The following KRABD3 variants were observed in gnomAD, a reference collection of about 807,000 sequenced individuals.
KRABD3 encodes the protein KRAB domain containing 3.
the KRABD3 span, among the ~76,000 whole-genome samples, chr7:149,727,263 C>G: frequency 6.6e-6 from 1 of 152,220 alleles, no homozygotes; most frequent in Non-Finnish European, 1.5e-5. Flanking sequence ...TCACAGCAGC[C>G]ACAGCTCTGG....
chr7:149,724,116 G>A, the KRABD3 span, among the ~76,000 whole-genome samples: 3 of 152,224 alleles, frequency 2.0e-5, no homozygotes, highest in African/African-American at 7.2e-5. Context: ...GGAGGAGCTG[G>A]ACATTCTGAA....
At chr7:149,722,388 G>T in the KRABD3 span, 14 of 1,580,752 alleles carry the variant, frequency 8.9e-6, no homozygotes, top group African/African-American at 1.6e-4. Flanking sequence ...TGGAGCTGGG[G>T]CTAGAAAGGC....
the KRABD3 span, among the ~76,000 whole-genome samples, chr7:149,731,445 T>G: frequency 0.049 from 7,430 of 152,146 alleles, 589 homozygotes; most frequent in African/African-American, 0.16. Flanking sequence ...CCCAGCCGCC[T>G]CCTCCTGCCG....
the KRABD3 span, chr7:149,730,576 T>TG: frequency 1.2e-6 from 2 of 1,609,502 alleles, no homozygotes; most frequent in African/African-American, 2.7e-5. Context: ...CAGGTGAGCC[T>TG]GGGGTCTCCT....
chr7:149,729,304 T>C, the KRABD3 span: 1 of 1,600,808 alleles, frequency 6.2e-7, no homozygotes, highest in Admixed American at 1.7e-5. Context: ...CGTCCCCGCC[T>C]GCCACCAGCG....
chr7:149,721,188 G>A, the KRABD3 span, among the ~76,000 whole-genome samples: 2 of 152,172 alleles, frequency 1.3e-5, no homozygotes, highest in African/African-American at 2.4e-5. Context: ...TCTGACTTTC[G>A]CATGGTGGTT....
chr7:149,720,944 C>T, the KRABD3 span: 406 of 1,613,694 alleles, frequency 2.5e-4, no homozygotes, highest in Middle Eastern at 1.3e-3. Flanking sequence ...GCCCCGAGAG[C>T]GAGAGCCGGG....
the KRABD3 span, among the ~76,000 whole-genome samples, chr7:149,717,545 A>G: frequency 6.6e-6 from 1 of 152,256 alleles, no homozygotes; most frequent in Non-Finnish European, 1.5e-5. Context: ...GGGAGTGACC[A>G]TACCTGGGCC....
At chr7:149,718,651 T>A in the KRABD3 span, among the ~76,000 whole-genome samples, 2 of 151,522 alleles carry the variant, frequency 1.3e-5, no homozygotes. Flanking sequence ...CCTGAGTAGC[T>A]GAGATTACAG....
At chr7:149,730,569 G>T in the KRABD3 span, 4 of 1,611,072 alleles carry the variant, frequency 2.5e-6, no homozygotes, top group Non-Finnish European at 3.4e-6. Context: ...CTCGGTGCAG[G>T]TGAGCCTGGG....
chr7:149,728,892 C>T, the KRABD3 span, among the ~76,000 whole-genome samples: 2 of 152,212 alleles, frequency 1.3e-5, no homozygotes, highest in Admixed American at 6.5e-5. Flanking sequence ...TTCCACCATC[C>T]CAGCTGGAGC....
chr7:149,721,761 A>G, the KRABD3 span: 1 of 692,652 alleles, frequency 1.4e-6, no homozygotes, highest in Non-Finnish European at 2.6e-6. Context: ...GGAGCCTGTC[A>G]TCCCGCCCCG....
At chr7:149,720,846 C>T in the KRABD3 span, 2,409 of 1,591,448 alleles carry the variant, frequency 1.5e-3, 37 homozygotes, top group South Asian at 0.018. Flanking sequence ...GGGACAGCCC[C>T]GGCACAGCCT....
the KRABD3 span, chr7:149,723,534 G>A: frequency 3.2e-5 from 18 of 564,736 alleles, no homozygotes; most frequent in South Asian, 3.4e-4. Flanking sequence ...CCTGCAGGGC[G>A]AATTCCATGG....
the KRABD3 span, chr7:149,720,239 A>C: frequency 1.7e-6 from 2 of 1,198,132 alleles, no homozygotes; most frequent in Non-Finnish European, 2.3e-6. Context: ...TGCCTCCCCT[A>C]CTGCAACCTC....
At chr7:149,734,330 A>T in the KRABD3 span, 4 of 463,166 alleles carry the variant, frequency 8.6e-6, no homozygotes, top group Admixed American at 3.8e-5. Context: ...CCAAGCTTGT[A>T]GGTGGGTGGT....
At chr7:149,721,874 A>G in the KRABD3 span, 3 of 483,616 alleles carry the variant, frequency 6.2e-6, no homozygotes, top group African/African-American at 5.8e-5. Flanking sequence ...TGATCCTTAG[A>G]CCGTCTCATC....
At chr7:149,718,158 G>A in the KRABD3 span, among the ~76,000 whole-genome samples, 1 of 152,054 alleles carries the variant, frequency 6.6e-6, no homozygotes, top group Non-Finnish European at 1.5e-5. Flanking sequence ...TGTAATCCTA[G>A]CACTTTGGGA....
chr7:149,722,443 C>CT, the KRABD3 span: 1 of 1,607,672 alleles, frequency 6.2e-7, no homozygotes. Flanking sequence ...AAACCGTGGC[C>CT]TACAAGGAAG....
Sources: gnomAD v4.1 joint callset for allele counts (sites outside exome capture counted in the v4.1 genomes callset) on GRCh38, gnomAD v4.1.1 for gene constraint, MANE v1.5 for transcripts, NCBI Gene and HGNC (gene_info 2026-07-23, HGNC 2026-07-21) for gene names.